Variants in BRINP3 observed in about 807,000 individuals in gnomAD.
BRINP3 encodes the protein BMP/retinoic acid-inducible neural-specific protein 3.
A neutral mutation model predicts 71.0 loss-of-function variants in BRINP3; 19 were observed. The observed-to-expected ratio is 0.27, with a 90% CI of 0.19 to 0.39. The LOEUF is 0.39. Among genes scored for constraint, BRINP3 ranks in the 10% least tolerant of loss-of-function variants. The probability of loss-of-function intolerance (pLI) is 1.00; values close to 1 mark genes in which losing one functional copy is unlikely to be tolerated. For missense variants in BRINP3, 959 were observed against 940.8 expected (o/e 1.02, Z -0.25); for synonymous variants, 380 against 337.7 (o/e 1.13, Z -1.37).
At chr1:190,116,357 C>T (rs748167315) in intron 7 of BRINP3, among the ~76,000 whole-genome samples, 1 of 152,054 alleles carries the variant, frequency 6.6e-6, no homozygotes, top group Admixed American at 6.6e-5. Flanking sequence ...TGGGAATACA[C>T]ATACTTTAGA....
Position 190,232,705 on chromosome 1 carries a change from A to C in BRINP3, c.724+1667T>G, listed in dbSNP as rs1035406845. ...GATAGGGGACTGAAGGATTTTAAAA[A>C]TAATTTAATATTTTGAAAACTGAAC... On this transcript the variant is annotated intron_variant, in intron 5 of 7. Coordinates refer to ENST00000367462, the MANE Select transcript of BRINP3 (RefSeq NM_199051.3). Among the ~76,000 whole-genome samples, 6 of 152,302 alleles carry C rather than the reference A, an allele frequency of 3.9e-5. No homozygotes were observed. In the South Asian group the frequency reaches 6.2e-4, roughly 16 times the overall value.
chr1:190,322,928 A>G (rs561969564), intron 2 of BRINP3, among the ~76,000 whole-genome samples: 1 of 152,130 alleles, frequency 6.6e-6, no homozygotes, highest in African/African-American at 2.4e-5. Context: ...CAGCTCTTTT[A>G]AAGAGCGGGT....
At position 190,165,443 on chromosome 1, in the gene BRINP3, G is replaced by GTTTTTTTTT. The variant is rs1222291505; in HGVS notation, c.962-4562_962-4554dup. Among the ~76,000 whole-genome samples the GTTTTTTTTT allele has an allele frequency of 3.5e-3, 165 of 46,594 alleles. 39 individuals are homozygous for GTTTTTTTTT. Among genetic ancestry groups the GTTTTTTTTT allele is most frequent in the South Asian group, 0.015 (18 of 1,186 alleles). The allele number at this position is 46,594 out of a possible 152,430, so 30.6% of individuals were successfully genotyped here. On this transcript the variant is annotated intron_variant, in intron 6 of 7. Coordinates refer to ENST00000367462, the MANE Select transcript of BRINP3 (RefSeq NM_199051.3). ...GCAAGTATGCTCTGTTTCATTGGCTGTTTTTTTTTTTTTTTTTTGTGTGTG... is the reference window on the plus strand; with the variant it reads ...GCAAGTATGCTCTGTTTCATTGGCTGTTTTTTTTTTTTTTTTTTTTTTTTTTTGTGTGTG...
chr1:190,265,257 C>A (rs1229054775), intron 3 of BRINP3, among the ~76,000 whole-genome samples: 2 of 151,940 alleles, frequency 1.3e-5, no homozygotes, highest in Non-Finnish European at 2.9e-5. Context: ...ACTTTAAACA[C>A]GTAGTTACTG....
chr1:190,111,955 T>C lies in BRINP3; in HGVS notation c.1185-12821A>G, dbSNP rs1652735468. Among the ~76,000 whole-genome samples, 3 of 152,080 alleles carry C rather than the reference T, an allele frequency of 2.0e-5. No individual in the cohort carries two copies. In the South Asian group the frequency reaches 6.2e-4, roughly 32 times the overall value. On this transcript the variant is annotated intron_variant, in intron 7 of 7. Coordinates refer to ENST00000367462, the MANE Select transcript of BRINP3 (RefSeq NM_199051.3). ...AAAAAAGTGTTTAGAGGAAAATACC[T>C]CAGAAACTAACTTGTTTTTAGCAAC...
intron 2 of BRINP3, among the ~76,000 whole-genome samples, chr1:190,355,495 T>C (rs546434389): frequency 2.0e-5 from 3 of 151,968 alleles, no homozygotes; most frequent in African/African-American, 7.2e-5. Flanking sequence ...AAACTAAGCA[T>C]GATATTTGAT....
At chr1:190,199,308 T>C (rs548630707) in intron 6 of BRINP3, among the ~76,000 whole-genome samples, 1 of 152,194 alleles carries the variant, frequency 6.6e-6, no homozygotes, top group African/African-American at 2.4e-5. Context: ...ACATATCTCT[T>C]TGCCCTGGTT....
chr1:190,402,431 C>T (rs1403471104), intron 2 of BRINP3, among the ~76,000 whole-genome samples: 1 of 152,014 alleles, frequency 6.6e-6, no homozygotes, highest in East Asian at 1.9e-4. Flanking sequence ...TTAATAGTAA[C>T]TATCGGTTTT....
intron 5 of BRINP3, among the ~76,000 whole-genome samples, chr1:190,229,645 AACACACACACACACAC>A (rs71794093): frequency 9.7e-5 from 13 of 133,518 alleles, no homozygotes; most frequent in South Asian, 5.0e-4. Flanking sequence ...AACAAAACAA[AACACACACACACACAC>A]ACACACACAC....
At chr1:190,414,836 G>T (rs1221152256) in intron 2 of BRINP3, among the ~76,000 whole-genome samples, 1 of 152,152 alleles carries the variant, frequency 6.6e-6, no homozygotes, top group East Asian at 1.9e-4. Flanking sequence ...GCTCTGAGAA[G>T]CATTCAAATC....
At chr1:190,453,791 T>C (rs1268810692) in intron 2 of BRINP3, among the ~76,000 whole-genome samples, 1 of 152,180 alleles carries the variant, frequency 6.6e-6, no homozygotes, top group African/African-American at 2.4e-5. Flanking sequence ...AAAATATTTA[T>C]ATAGGAGTAT....
chr1:190,291,101 C>CTTTTATTG (rs1663832104), intron 2 of BRINP3, among the ~76,000 whole-genome samples: 1 of 151,980 alleles, frequency 6.6e-6, no homozygotes, highest in Admixed American at 6.6e-5. Context: ...ATAGATTAAT[C>CTTTTATTG]TTTTATTGTC....
intron 2 of BRINP3, among the ~76,000 whole-genome samples, chr1:190,305,170 T>C (rs1665009382): frequency 6.6e-6 from 1 of 151,894 alleles, no homozygotes; most frequent in South Asian, 2.1e-4. Flanking sequence ...GGCATTAGTA[T>C]AGCAATTGTA....
intron 2 of BRINP3, among the ~76,000 whole-genome samples, chr1:190,406,490 A>G (rs1478066279): frequency 6.6e-6 from 1 of 152,174 alleles, no homozygotes; most frequent in East Asian, 1.9e-4. Context: ...ATCTCAAGTG[A>G]TATAAAATAG....
chr1:190,384,792 C>T (rs1238078100), intron 2 of BRINP3, among the ~76,000 whole-genome samples: 2 of 151,736 alleles, frequency 1.3e-5, no homozygotes, highest in African/African-American at 4.8e-5. Flanking sequence ...AATTCCAAAC[C>T]ACTATATTAT....
intron 2 of BRINP3, among the ~76,000 whole-genome samples, chr1:190,318,231 CATTT>C (rs1160465796): frequency 6.6e-6 from 1 of 152,004 alleles, no homozygotes. Context: ...AGAATAGTCT[CATTT>C]ATTTATTTCC....
chr1:190,260,411 C>T (rs1661081142), intron 4 of BRINP3, among the ~76,000 whole-genome samples: 1 of 152,070 alleles, frequency 6.6e-6, no homozygotes, highest in Non-Finnish European at 1.5e-5. Context: ...CTATGTTGTA[C>T]ACCCTAAATA....
intron 2 of BRINP3, among the ~76,000 whole-genome samples, chr1:190,429,293 T>C (rs1673931507): frequency 6.6e-6 from 1 of 152,180 alleles, no homozygotes; most frequent in African/African-American, 2.4e-5. Context: ...GGAAAGAATT[T>C]AAATGTATAG....
At chr1:190,290,280 C>G (rs1018363525) in intron 2 of BRINP3, among the ~76,000 whole-genome samples, 3 of 152,098 alleles carry the variant, frequency 2.0e-5, no homozygotes, top group African/African-American at 7.2e-5. Context: ...TAGAAATATG[C>G]TATCATTTCC....
Sources: allele counts gnomAD v4.1 joint callset (sites outside exome capture counted in the v4.1 genomes callset), GRCh38; gene constraint gnomAD v4.1.1; transcripts MANE v1.5; gene names NCBI Gene and HGNC (gene_info 2026-07-23, HGNC 2026-07-21).